Variants in HECW2 observed in about 807,000 individuals in gnomAD.
The protein encoded by HECW2 is E3 ubiquitin-protein ligase HECW2.
Under a neutral mutation model 175.2 loss-of-function variants are expected in HECW2, and 61 were observed. The observed-to-expected ratio is 0.35, with a 90% CI of 0.28 to 0.43. The LOEUF is 0.43. Ranked by LOEUF, HECW2 falls within the 20% of genes least tolerant of loss-of-function variation. The probability of loss-of-function intolerance (pLI) is 1.00; values close to 1 mark genes in which losing one functional copy is unlikely to be tolerated. For synonymous variants in HECW2, 671 were observed against 731.0 expected (o/e 0.92, Z 1.32); for missense variants, 1,524 against 2,000.5 (o/e 0.76, Z 4.54).
intron 1 of HECW2, among the ~76,000 whole-genome samples, chr2:196,495,766 TATGAG>T (rs1687372728): frequency 6.6e-6 from 1 of 152,214 alleles, no homozygotes; most frequent in South Asian, 2.1e-4. Context: ...ATTAGGATTC[TATGAG>T]ATAATATATG....
intron 1 of HECW2, among the ~76,000 whole-genome samples, chr2:196,527,794 C>T (rs1275723346): frequency 6.6e-6 from 1 of 152,202 alleles, no homozygotes. Flanking sequence ...TAGCCCTGTC[C>T]TAGAAGGAGT....
chr2:196,239,542 C>A (rs1376012452), intron 21 of HECW2: 1 of 152,070 alleles, frequency 6.6e-6, no homozygotes, highest in Non-Finnish European at 1.5e-5. Context: ...AATATGATTC[C>A]ATAATCTAAT....
intron 1 of HECW2, among the ~76,000 whole-genome samples, chr2:196,558,928 GAAC>G (rs1689898875): frequency 2.0e-5 from 3 of 152,182 alleles, no homozygotes; most frequent in South Asian, 4.1e-4. Context: ...TTAGTAATGT[GAAC>G]TTACCATTCA....
intron 28 of HECW2, among the ~76,000 whole-genome samples, chr2:196,209,589 A>G (rs969667193): frequency 2.0e-5 from 3 of 152,176 alleles, no homozygotes; most frequent in Admixed American, 1.3e-4. Flanking sequence ...AGACCACTGT[A>G]TGAGAATCTC....
Position 196,514,217 on chromosome 2 carries a change from G to A in HECW2, c.-36+79291C>T, listed in dbSNP as rs563304441. On this transcript the variant is annotated intron_variant, in intron 1 of 28. Transcript: ENST00000644978. The stretch of plus-strand genomic sequence containing the variant: ...CCCACTCCAATTTCAGAGCAAAGTT[G>A]TGGCCGAGTCTGAGCACTGTCACAA... Among the ~76,000 whole-genome samples, 6 of 152,330 alleles carry A rather than the reference G, an allele frequency of 3.9e-5. No homozygotes were observed. The South Asian group carries it at 1.2e-3, about 32-fold the overall frequency.
chr2:196,510,693 AT>A (rs1217292988), intron 1 of HECW2, among the ~76,000 whole-genome samples: 4 of 150,704 alleles, frequency 2.7e-5, no homozygotes, highest in Non-Finnish European at 5.9e-5. Context: ...GGGAATTGTT[AT>A]TTTTTTTTAC....
At chr2:196,507,813 C>T (rs959089360) in intron 1 of HECW2, among the ~76,000 whole-genome samples, 2 of 152,132 alleles carry the variant, frequency 1.3e-5, no homozygotes, top group Admixed American at 6.5e-5. Flanking sequence ...GTGTTCCTCC[C>T]CCAGTGGAAT....
chr2:196,519,908 A>G (rs936937056), intron 1 of HECW2, among the ~76,000 whole-genome samples: 1 of 152,224 alleles, frequency 6.6e-6, no homozygotes, highest in Non-Finnish European at 1.5e-5. Context: ...AGAGGAAGTG[A>G]TCTTCCCTCC....
intron 2 of HECW2, among the ~76,000 whole-genome samples, chr2:196,411,030 ACT>A (rs1695094818): frequency 1.3e-5 from 2 of 152,046 alleles, no homozygotes; most frequent in South Asian, 4.1e-4. Context: ...GCAGGGTCTC[ACT>A]CTGTTGCTGA....
chr2:196,414,811 C>T (rs1355525050), intron 2 of HECW2, among the ~76,000 whole-genome samples: 1 of 152,166 alleles, frequency 6.6e-6, no homozygotes, highest in East Asian at 1.9e-4. Context: ...ACAACTCAAA[C>T]CGTGCAGGTT....
At chr2:196,322,839 G>C (rs1313999659) in intron 6 of HECW2, among the ~76,000 whole-genome samples, 1 of 152,188 alleles carries the variant, frequency 6.6e-6, no homozygotes, top group Non-Finnish European at 1.5e-5. Context: ...TATGACAAAA[G>C]AAGCCCTCTC....
chr2:196,452,385 TG>T (rs1447464571), intron 1 of HECW2, among the ~76,000 whole-genome samples: 1 of 152,202 alleles, frequency 6.6e-6, no homozygotes. Flanking sequence ...TTAACATGTG[TG>T]GCTCACTAGA....
intron 2 of HECW2, among the ~76,000 whole-genome samples, chr2:196,424,155 T>C (rs1483192813): frequency 6.6e-6 from 1 of 152,042 alleles, no homozygotes; most frequent in African/African-American, 2.4e-5. Context: ...CAGTGGTCTT[T>C]TGATGATATT....
intron 1 of HECW2, among the ~76,000 whole-genome samples, chr2:196,486,046 T>C (rs1374004224): frequency 6.6e-6 from 1 of 152,178 alleles, no homozygotes; most frequent in African/African-American, 2.4e-5. Context: ...TTCCCCACTA[T>C]ATCTCACAAA....
At chr2:196,536,492 C>T (rs1049164483) in intron 1 of HECW2, among the ~76,000 whole-genome samples, 11 of 152,280 alleles carry the variant, frequency 7.2e-5, no homozygotes, top group African/African-American at 2.6e-4. Context: ...TCACAAAACT[C>T]CTGCTGCCTA....
At chr2:196,396,317 T>G (rs1302836528) in intron 2 of HECW2, among the ~76,000 whole-genome samples, 1 of 152,200 alleles carries the variant, frequency 6.6e-6, no homozygotes. Flanking sequence ...CTATTCAAAC[T>G]ATAGAAATAG....
intron 1 of HECW2, among the ~76,000 whole-genome samples, chr2:196,506,186 C>A (rs1041383028): frequency 6.6e-6 from 1 of 152,078 alleles, no homozygotes; most frequent in Admixed American, 6.6e-5. Context: ...AAGTACTGTA[C>A]AGATCAATAA....
At chr2:196,217,344 G>C in intron 26 of HECW2, 1 of 390,576 alleles carries the variant, frequency 2.6e-6, no homozygotes, top group Non-Finnish European at 4.6e-6. Context: ...AACTAGTAAA[G>C]AGAAGAACAA....
intron 10 of HECW2, 96 bp downstream of exon 10, chr2:196,317,178 A>T: frequency 1.1e-6 from 1 of 934,894 alleles, no homozygotes; most frequent in African/African-American, 1.6e-5. Flanking sequence ...CCGCTTGAAG[A>T]CCATGTATCC....
Sources: gnomAD v4.1 joint callset for allele counts (sites outside exome capture counted in the v4.1 genomes callset) on GRCh38, gnomAD v4.1.1 for gene constraint, MANE v1.5 for transcripts, NCBI Gene and HGNC (gene_info 2026-07-23, HGNC 2026-07-21) for gene names.